DECR1: variants seen among roughly 807,000 people sequenced by gnomAD.
The protein encoded by DECR1 is 2,4-dienoyl-CoA reductase 1.
In DECR1, 44 loss-of-function variants were observed where a neutral mutation model predicts 38.8. That is an observed-to-expected ratio of 1.13 (90% CI 0.89 to 1.46). The LOEUF is 1.46. Among genes scored for constraint, DECR1 ranks in the 40% most tolerant of loss-of-function variants. The pLI is 0.00. For synonymous variants in DECR1, 148 were observed against 135.2 expected (o/e 1.09, Z -0.66); for missense variants, 428 against 405.5 (o/e 1.06, Z -0.48).
chr8:90,001,659 C>A (rs1367572791), intron 1 of DECR1, 98 bp downstream of exon 1: 3 of 1,134,872 alleles, frequency 2.6e-6, no homozygotes, highest in Non-Finnish European at 2.5e-6. Context: ...GAGGACAAGG[C>A]ATCCTGGGGC....
intron 8 of DECR1, among the ~76,000 whole-genome samples, chr8:90,047,008 G>C (rs1813925104): frequency 6.6e-6 from 1 of 152,146 alleles, no homozygotes; most frequent in African/African-American, 2.4e-5. Flanking sequence ...CACCAGGCCT[G>C]CCTTACAAGA....
intron 8 of DECR1, among the ~76,000 whole-genome samples, chr8:90,048,370 CA>C (rs1472557774): frequency 3.9e-5 from 6 of 152,090 alleles, no homozygotes; most frequent in Non-Finnish European, 7.4e-5. Context: ...ACCTATCCCA[CA>C]GAGATACAAA....
At chr8:90,009,879 C>T (rs1812840731) in intron 1 of DECR1, among the ~76,000 whole-genome samples, 1 of 152,182 alleles carries the variant, frequency 6.6e-6, no homozygotes, top group Admixed American at 6.5e-5. Flanking sequence ...CAGTCTGCAT[C>T]TAACTGCAGA....
In DECR1 at chr8:90,053,497, A is replaced by G. The variant is rs1254788461; in HGVS notation, c.*1600A>G. 3.4e-5 allele frequency among the ~76,000 whole-genome samples: 5 copies of G among 145,126 alleles called. No homozygotes were observed. The South Asian group carries it at 1.1e-3, about 32-fold the overall frequency. On this transcript the variant is annotated 3_prime_UTR_variant, in exon 10 of 10. Coordinates refer to ENST00000220764, the MANE Select transcript of DECR1 (RefSeq NM_001359.2). Reference sequence around the variant, plus strand: ...ACTCCATTTCCAAACCCACCTTCCCACCCACCTCTCACCAAACACACAAAG... The same window carrying G: ...ACTCCATTTCCAAACCCACCTTCCCGCCCACCTCTCACCAAACACACAAAG...
intron 8 of DECR1, among the ~76,000 whole-genome samples, chr8:90,046,383 C>T (rs958997160): frequency 1.3e-5 from 2 of 152,054 alleles, no homozygotes; most frequent in East Asian, 3.9e-4. Context: ...ATGAGAAATA[C>T]GTGATGCATG....
intron 6 of DECR1, among the ~76,000 whole-genome samples, chr8:90,042,184 T>C: frequency 6.6e-6 from 1 of 152,170 alleles, no homozygotes. Flanking sequence ...ATGTGGTTTA[T>C]ATTTTCAATC....
intron 5 of DECR1, among the ~76,000 whole-genome samples, chr8:90,036,369 G>A (rs1328568159): frequency 2.0e-5 from 3 of 152,062 alleles, no homozygotes; most frequent in Non-Finnish European, 4.4e-5. Context: ...GTCCTTCCCT[G>A]CCTGCTGTGC....
intron 6 of DECR1, among the ~76,000 whole-genome samples, chr8:90,041,286 G>T (rs1234772665): frequency 6.6e-6 from 1 of 152,024 alleles, no homozygotes; most frequent in African/African-American, 2.4e-5. Flanking sequence ...AGAAGCGTCT[G>T]TTCATATCCT....
At chr8:90,014,614 T>C (rs1053892982) in intron 1 of DECR1, among the ~76,000 whole-genome samples, 17 of 152,170 alleles carry the variant, frequency 1.1e-4, no homozygotes, top group African/African-American at 3.6e-4. Context: ...TATCCTTTTC[T>C]CTACCAGTGA....
chr8:90,020,692 C>G (rs1423288152), intron 4 of DECR1, among the ~76,000 whole-genome samples: 1 of 152,190 alleles, frequency 6.6e-6, no homozygotes, highest in Non-Finnish European at 1.5e-5. Context: ...AGAATCTACC[C>G]TAATTTAAAG....
At chr8:90,017,385 A>C (rs1813035213) in intron 2 of DECR1, 59 bp downstream of exon 2, 1 of 1,387,062 alleles carries the variant, frequency 7.2e-7, no homozygotes, top group South Asian at 1.3e-5. Flanking sequence ...TCTGTGCCAT[A>C]GTATTGAAAA....
intron 5 of DECR1, among the ~76,000 whole-genome samples, chr8:90,034,878 ATATTT>A (rs1435153870): frequency 6.6e-6 from 1 of 152,180 alleles, no homozygotes; most frequent in Non-Finnish European, 1.5e-5. Flanking sequence ...ACAAGAAAAA[ATATTT>A]TATATTTACC....
chr8:90,044,729 TA>T, intron 7 of DECR1, 119 bp from the exon 8 acceptor site: 3 of 966,584 alleles, frequency 3.1e-6, no homozygotes, highest in Non-Finnish European at 4.4e-6. Flanking sequence ...CTTTTTTACT[TA>T]CAAAGCCTAA....
Position 90,052,007 on chromosome 8 carries a change from C to G in DECR1, c.*110C>G. The G allele has an allele frequency of 2.2e-6, 2 of 927,934 alleles. No individual in the cohort carries two copies. The highest frequency in any genetic ancestry group is 3.4e-6 in the Non-Finnish European group (2 of 593,584). 57.5% of individuals were successfully genotyped at this position (927,934 alleles called of 1,614,324 possible). On this transcript the variant is annotated 3_prime_UTR_variant, in exon 10 of 10. Coordinates refer to ENST00000220764, the MANE Select transcript of DECR1 (RefSeq NM_001359.2). ...AATAAATTCTTAATTAACAAACATTCATTGAATATGTATTATGTGCCAGGC... is the reference window on the plus strand; with the variant it reads ...AATAAATTCTTAATTAACAAACATTGATTGAATATGTATTATGTGCCAGGC...
chr8:90,008,537 C>A (rs926706938), intron 1 of DECR1, among the ~76,000 whole-genome samples: 4 of 152,132 alleles, frequency 2.6e-5, no homozygotes, highest in African/African-American at 7.2e-5. Context: ...AAATCTCTCT[C>A]AGTTCTTTTC....
intron 1 of DECR1, among the ~76,000 whole-genome samples, chr8:90,007,099 G>C (rs1214760115): frequency 2.0e-5 from 3 of 152,010 alleles, no homozygotes; most frequent in African/African-American, 7.3e-5. Context: ...CTCACAGCTG[G>C]GTTTCAATGA....
chr8:90,047,371 A>G (rs1813938764), intron 8 of DECR1, among the ~76,000 whole-genome samples: 1 of 152,210 alleles, frequency 6.6e-6, no homozygotes, highest in Admixed American at 6.5e-5. Flanking sequence ...AAAAAAAAGC[A>G]GGGGTTGCAA....
chr8:90,038,929 C>T (rs2130135196), intron 6 of DECR1, among the ~76,000 whole-genome samples: 1 of 152,282 alleles, frequency 6.6e-6, no homozygotes, highest in Non-Finnish European at 1.5e-5. Flanking sequence ...ACTATTTTGG[C>T]AGCATTTGTT....
At chr8:90,047,797 C>G (rs1462213841) in intron 8 of DECR1, among the ~76,000 whole-genome samples, 1 of 152,186 alleles carries the variant, frequency 6.6e-6, no homozygotes, top group African/African-American at 2.4e-5. Context: ...AAGCACTCCT[C>G]AGCAAATGTA....
Sources: gnomAD v4.1 joint callset for allele counts (sites outside exome capture counted in the v4.1 genomes callset) on GRCh38, gnomAD v4.1.1 for gene constraint, MANE v1.5 for transcripts, NCBI Gene and HGNC (gene_info 2026-07-23, HGNC 2026-07-21) for gene names.